Variants in AK3 observed in about 807,000 individuals in gnomAD.
The protein encoded by AK3 is GTP:AMP phosphotransferase AK3, mitochondrial.
A neutral mutation model predicts 23.7 loss-of-function variants in AK3; 27 were observed. The ratio of observed to expected loss-of-function variants is 1.14; its 90% CI spans 0.84 to 1.57. The LOEUF (loss-of-function observed/expected upper bound fraction) is 1.57, where lower values mean the gene tolerates loss of function less well. Ranked by LOEUF, AK3 falls within the 40% of genes most tolerant of loss-of-function variation. The probability of loss-of-function intolerance (pLI) is 0.00; values close to 1 mark genes in which losing one functional copy is unlikely to be tolerated. For synonymous variants in AK3, 159 were observed against 116.0 expected (o/e 1.37, Z -2.38); for missense variants, 406 against 285.6 (o/e 1.42, Z -3.04).
At chr9:4,719,857 G>A (rs909490183) in intron 2 of AK3, among the ~76,000 whole-genome samples, 3 of 152,160 alleles carry the variant, frequency 2.0e-5, no homozygotes, top group Non-Finnish European at 4.4e-5. Context: ...CCTGAGCTCA[G>A]GAGTTCAAGA....
chr9:4,734,599 C>T (rs1842227292), intron 1 of AK3, among the ~76,000 whole-genome samples: 1 of 152,222 alleles, frequency 6.6e-6, no homozygotes, highest in Non-Finnish European at 1.5e-5. Flanking sequence ...AAAGGCCTAA[C>T]TTATTTTGTT....
intron 1 of AK3, among the ~76,000 whole-genome samples, chr9:4,730,098 C>G (rs1842119378): frequency 6.6e-6 from 1 of 152,102 alleles, no homozygotes; most frequent in African/African-American, 2.4e-5. Context: ...TCGTATGATT[C>G]CATTTGCATA....
chr9:4,718,697 C>T lies in AK3; in HGVS notation c.445-160G>A, dbSNP rs182195221. Among the ~76,000 whole-genome samples, 670 of 152,306 alleles carry T rather than the reference C, an allele frequency of 4.4e-3. 5 individuals are homozygous for T. The highest frequency in any genetic ancestry group is 0.02 in the Middle Eastern group (6 of 294). On this transcript the variant is annotated intron_variant, in intron 3 of 4. Transcript: ENST00000381809. ...GGAATCCAACCTCAAAAGAGATCAT[C>T]GCAACAGAAACAGGGTACGCCAGTT...
At chr9:4,733,391 G>A (rs1285375851) in intron 1 of AK3, among the ~76,000 whole-genome samples, 1 of 152,138 alleles carries the variant, frequency 6.6e-6, no homozygotes, top group African/African-American at 2.4e-5. Context: ...TTACCTCTGG[G>A]AAGCAGGAAG....
At chr9:4,717,433 A>G (rs1367042454) in intron 4 of AK3, among the ~76,000 whole-genome samples, 1 of 152,196 alleles carries the variant, frequency 6.6e-6, no homozygotes, top group Admixed American at 6.5e-5. Context: ...CTGCTAGCCA[A>G]TTACATAGTC....
At position 4,722,594 on chromosome 9, in the gene AK3, G is replaced by C. The variant is rs138113344; in HGVS notation, c.183C>G (p.Asp61Glu). 17 of 1,614,038 alleles carry C rather than the reference G, an allele frequency of 1.1e-5. No individual in the cohort carries two copies. Among genetic ancestry groups the C allele is most frequent in the African/African-American group, 4.0e-5 (3 of 74,920 alleles). ...CATCATCTGGGATGAGTTTCCCTTG[G>C]TCAATGAAAGCCTTGGCTAACACGC... ...EIGVLAKAFI[D>E]QGKLIPDDVM... Residue 61 changes from aspartate to glutamate, a missense_variant, in exon 2 of 5, where the codon GAC becomes GAG. Coordinates refer to ENST00000381809, the MANE Select transcript of AK3 (RefSeq NM_016282.4).
chr9:4,740,032 T>C (rs1423218113), intron 1 of AK3, among the ~76,000 whole-genome samples: 1 of 138,740 alleles, frequency 7.2e-6, no homozygotes, highest in Non-Finnish European at 1.5e-5. Flanking sequence ...TTTTATGCTA[T>C]GCACGTCTAT....
chr9:4,736,869 G>T (rs891245560), intron 1 of AK3, among the ~76,000 whole-genome samples: 1 of 152,094 alleles, frequency 6.6e-6, no homozygotes, highest in African/African-American at 2.4e-5. Context: ...GTAGAGACGG[G>T]TTCTCACCAT....
intron 4 of AK3, among the ~76,000 whole-genome samples, chr9:4,716,305 A>G (rs1841723812): frequency 6.6e-6 from 1 of 152,190 alleles, no homozygotes. Context: ...ACTGGATCTA[A>G]TTGTCCATGT....
intron 1 of AK3, among the ~76,000 whole-genome samples, chr9:4,722,918 T>A (rs1429503906): frequency 6.6e-6 from 1 of 152,050 alleles, no homozygotes; most frequent in Non-Finnish European, 1.5e-5. Flanking sequence ...TAGCCGGACA[T>A]GATGGCGGGT....
At chr9:4,728,365 G>A (rs542386368) in intron 1 of AK3, among the ~76,000 whole-genome samples, 187 of 152,316 alleles carry the variant, frequency 1.2e-3, no homozygotes, top group African/African-American at 4.3e-3. Context: ...GAGGTCAGGA[G>A]TTCGAGACCA....
chr9:4,725,254 T>C (rs1841997558), intron 1 of AK3, among the ~76,000 whole-genome samples: 1 of 151,688 alleles, frequency 6.6e-6, no homozygotes, highest in Non-Finnish European at 1.5e-5. Context: ...CCTGACCTCG[T>C]GATCTGCCCG....
At chr9:4,735,873 G>A (rs148235975) in intron 1 of AK3, among the ~76,000 whole-genome samples, 17 of 152,114 alleles carry the variant, frequency 1.1e-4, no homozygotes, top group Middle Eastern at 3.4e-3. Flanking sequence ...CCAGAACTTT[G>A]AGAAGCCGAG....
chr9:4,737,479 G>A (rs1244860595), intron 1 of AK3, among the ~76,000 whole-genome samples: 1 of 152,218 alleles, frequency 6.6e-6, no homozygotes, highest in East Asian at 1.9e-4. Context: ...GTCTGACTCT[G>A]AGAGGCCAAG....
Position 4,740,922 on chromosome 9 carries a change from G to A in AK3, c.151+15C>T, listed in dbSNP as rs374558108. On this transcript the variant is annotated intron_variant, in intron 1 of 4. Transcript: ENST00000381809. ...GGTGACAGCGCACGGCCGGCCCTGG[G>A]CCCAGAGCTCCCACCTGTGCCCCGC... The A allele has an allele frequency of 1.5e-3, 2,348 of 1,545,162 alleles. 3 individuals are homozygous for A. The highest frequency in any genetic ancestry group is 2.0e-3 in the Non-Finnish European group (2,241 of 1,146,666).
In AK3 at chr9:4,722,534, A is replaced by G. The variant is rs1563788578; in HGVS notation, c.243T>C (p.Asn81=). ...MTRLALHELK[N]LTQYSWLLDG... The stretch of plus-strand genomic sequence containing the variant: ...CCAACAGCCAGCTATACTGGGTGAG[A>G]TTTTTCAGCTCATGAAGGGCCAGCC... Residue 81 remains asparagine (N), a synonymous_variant, in exon 2 of 5, where the codon AAT becomes AAC. Transcript: ENST00000381809. 1 of 1,614,066 alleles carries G rather than the reference A, an allele frequency of 6.2e-7. No homozygotes were observed. The highest frequency in any genetic ancestry group is 8.5e-7 in the Non-Finnish European group (1 of 1,180,006).
chr9:4,738,896 A>G (rs1219435511), intron 1 of AK3, among the ~76,000 whole-genome samples: 2 of 150,178 alleles, frequency 1.3e-5, no homozygotes, highest in East Asian at 4.0e-4. Context: ...CTCAGCCTCC[A>G]GAGAAGCTGG....
chr9:4,738,761 C>CTT (rs35812152), intron 1 of AK3, among the ~76,000 whole-genome samples: 463 of 75,066 alleles, frequency 6.2e-3, no homozygotes, highest in Middle Eastern at 0.014. Flanking sequence ...ATATGCTTTA[C>CTT]TTTTTTTTTT....
At chr9:4,720,553 G>A (rs1841868249) in intron 2 of AK3, among the ~76,000 whole-genome samples, 1 of 151,956 alleles carries the variant, frequency 6.6e-6, no homozygotes. Flanking sequence ...AGCAGGGCGT[G>A]GTGGTGCATG....
Sources: gnomAD v4.1 joint callset for allele counts (sites outside exome capture counted in the v4.1 genomes callset) on GRCh38, gnomAD v4.1.1 for gene constraint, MANE v1.5 for transcripts, NCBI Gene and HGNC (gene_info 2026-07-23, HGNC 2026-07-21) for gene names.